CFAP161: variants seen among roughly 807,000 people sequenced by gnomAD.
CFAP161 encodes the protein cilia- and flagella-associated protein 161.
A neutral mutation model predicts 29.0 loss-of-function variants in CFAP161; 25 were observed. The observed-to-expected ratio is 0.86, with a 90% CI of 0.63 to 1.20. The LOEUF (loss-of-function observed/expected upper bound fraction) is 1.20, where lower values mean the gene tolerates loss of function less well. CFAP161 is among the 50% of genes most tolerant of loss of function. The pLI, the probability that CFAP161 is intolerant of heterozygous loss-of-function variation, is 0.00. For missense variants in CFAP161, 367 were observed against 371.9 expected, an observed-to-expected ratio of 0.99 and a Z score of 0.11; for synonymous variants, 116 against 137.4, an observed-to-expected ratio of 0.84 and a Z score of 1.09.
chr15:81,148,709 G>T lies in CFAP161; in HGVS notation c.*176G>T. The T allele has an allele frequency of 1.8e-6, 1 of 542,010 alleles. No individual in the cohort carries two copies. Among genetic ancestry groups the T allele is most frequent in the Non-Finnish European group, 3.0e-6 (1 of 335,736 alleles). 33.6% of individuals were successfully genotyped at this position (542,010 alleles called of 1,614,324 possible). A position where few individuals can be genotyped will look rare whatever the true frequency, so the allele number is the denominator to read the frequency against. On this transcript the variant is annotated 3_prime_UTR_variant, in exon 7 of 7. Transcript: ENST00000286732. ...TATTGAATTTGTGGTGGGAGTCTAG[G>T]GCTGAAGAAAAACAGCTCTGGAGAA...
intron 4 of CFAP161, among the ~76,000 whole-genome samples, chr15:81,141,165 C>G (rs1171100717): frequency 6.6e-6 from 1 of 152,112 alleles, no homozygotes; most frequent in Non-Finnish European, 1.5e-5. Flanking sequence ...CATATTTATT[C>G]TTCTGAGATG....
At chr15:81,147,969 G>C in intron 6 of CFAP161, 38 bp downstream of exon 6, 2 of 1,498,268 alleles carry the variant, frequency 1.3e-6, no homozygotes, top group Non-Finnish European at 9.2e-7. Flanking sequence ...GCTGTGATTG[G>C]GGCTGGGGGC....
At chr15:81,123,324 G>A (rs185505899) in intron 1 of CFAP161, among the ~76,000 whole-genome samples, 7 of 152,246 alleles carry the variant, frequency 4.6e-5, no homozygotes, top group Non-Finnish European at 1.5e-5. Flanking sequence ...TTTTTGTCAG[G>A]TTTGTTGAAG....
At chr15:81,134,463 A>G in intron 1 of CFAP161, 65 bp downstream of exon 1, 1 of 1,503,758 alleles carries the variant, frequency 6.7e-7, no homozygotes, top group Non-Finnish European at 9.1e-7. Context: ...CTCTAAGTTC[A>G]GTCTCCTACT....
chr15:81,103,218 G>C (rs1009988252), intron 1 of CFAP161, among the ~76,000 whole-genome samples: 1 of 152,186 alleles, frequency 6.6e-6, no homozygotes, highest in African/African-American at 2.4e-5. Flanking sequence ...TATTACTGTA[G>C]TGTTGTGATA....
chr15:81,148,131 G>A (rs1381169227), intron 6 of CFAP161, among the ~76,000 whole-genome samples, 200 bp downstream of exon 6: 1 of 152,144 alleles, frequency 6.6e-6, no homozygotes, highest in Non-Finnish European at 1.5e-5. Flanking sequence ...CCCTACAAGA[G>A]GACTTTGGTT....
intron 5 of CFAP161, 76 bp from the exon 6 acceptor site, chr15:81,147,782 T>G: frequency 1.8e-6 from 2 of 1,121,536 alleles, no homozygotes; most frequent in East Asian, 2.6e-5. Context: ...AATTTTTGCT[T>G]TTAGGTAAGC....
intron 1 of CFAP161, among the ~76,000 whole-genome samples, chr15:81,099,883 C>A (rs1452122910): frequency 1.3e-5 from 2 of 152,074 alleles, no homozygotes; most frequent in African/African-American, 4.8e-5. Context: ...CTCCTACTAT[C>A]TTCCTCCTCA....
chr15:81,136,741 A>C lies in CFAP161; in HGVS notation c.385A>C (p.Ile129Leu), dbSNP rs766467350. The C allele has an allele frequency of 6.2e-7, 1 of 1,611,962 alleles. No individual in the cohort carries two copies. Among genetic ancestry groups the C allele is most frequent in the South Asian group, 1.1e-5 (1 of 90,980 alleles). Reference protein sequence around the residue: ...KTPIGRNTFIILSVHRDATGQ... With the variant: ...KTPIGRNTFILLSVHRDATGQ... ...CCCAATTGGCAGAAACACTTTTATC[A>C]TTTTGAGGTAAAGAGACTTTAATTT... The change falls in exon 3 of 7, where the codon ATT becomes CTT. Residue 129 changes from isoleucine to leucine, a missense_variant. Transcript: ENST00000286732.
At chr15:81,115,712 C>A (rs974215540) in intron 1 of CFAP161, among the ~76,000 whole-genome samples, 7 of 152,168 alleles carry the variant, frequency 4.6e-5, no homozygotes, top group Non-Finnish European at 1.0e-4. Flanking sequence ...ACAGGGCTCA[C>A]TCTGTCACTG....
At chr15:81,139,203 G>A (rs747332765) in intron 4 of CFAP161, among the ~76,000 whole-genome samples, 4 of 152,082 alleles carry the variant, frequency 2.6e-5, no homozygotes, top group Non-Finnish European at 5.9e-5. Flanking sequence ...TACTCATGAG[G>A]CTGAGGTGGG....
chr15:81,113,771 C>T (rs1894464639), intron 1 of CFAP161, among the ~76,000 whole-genome samples: 1 of 152,164 alleles, frequency 6.6e-6, no homozygotes, highest in Non-Finnish European at 1.5e-5. Flanking sequence ...TTCAAGAGTT[C>T]TCTCAGAGCT....
chr15:81,109,153 C>T lies in CFAP161; in HGVS notation c.-141-18437C>T, dbSNP rs1894411042. ...CACTCTTATAATGAACAGATGTTAT[C>T]ATTCTTTGGTCCTCCAGAAAGTCAA... On this transcript the variant is annotated intron_variant, in intron 1 of 4. Coordinates refer to the CFAP161 transcript ENST00000560091. 2.0e-5 allele frequency among the ~76,000 whole-genome samples: 3 copies of T among 152,326 alleles called. No individual in the cohort carries two copies. In the South Asian group the frequency reaches 6.2e-4, roughly 32 times the overall value.
At chr15:81,123,192 A>T (rs1894597816) in intron 1 of CFAP161, among the ~76,000 whole-genome samples, 1 of 152,160 alleles carries the variant, frequency 6.6e-6, no homozygotes, top group Admixed American at 6.5e-5. Context: ...TAAGTCTTTA[A>T]TCCATCTTGA....
At chr15:81,130,091 T>C (rs1160468466), upstream of CFAP161, among the ~76,000 whole-genome samples, 2 of 152,172 alleles carry the variant, frequency 1.3e-5, no homozygotes, top group African/African-American at 4.8e-5. Context: ...GTTATGAAGA[T>C]GGCTTTTTCC....
At chr15:81,101,450 C>T (rs888897463) in intron 1 of CFAP161, among the ~76,000 whole-genome samples, 1 of 135,172 alleles carries the variant, frequency 7.4e-6, no homozygotes, top group Non-Finnish European at 1.5e-5. Context: ...TCACTTGAAC[C>T]CGGGAGGTGG....
chr15:81,117,940 T>A, intron 1 of CFAP161: 1 of 448,466 alleles, frequency 2.2e-6, no homozygotes, highest in Admixed American at 3.1e-5. Context: ...GGCTTCCTGG[T>A]CCTCTGGGTC....
At chr15:81,116,456 G>C (rs1894499906) in intron 1 of CFAP161, among the ~76,000 whole-genome samples, 1 of 152,148 alleles carries the variant, frequency 6.6e-6, no homozygotes. Flanking sequence ...ATAACGCCCA[G>C]CTAATTTTTT....
chr15:81,132,765 A>G (rs1183802769), upstream of CFAP161, among the ~76,000 whole-genome samples: 2 of 152,172 alleles, frequency 1.3e-5, no homozygotes, highest in South Asian at 2.1e-4. Flanking sequence ...GAGGAATATG[A>G]AAAATACTTA....
Sources: gnomAD v4.1 joint callset for allele counts (sites outside exome capture counted in the v4.1 genomes callset) on GRCh38, gnomAD v4.1.1 for gene constraint, MANE v1.5 for transcripts, NCBI Gene and HGNC (gene_info 2026-07-23, HGNC 2026-07-21) for gene names.